MYH14: variants seen among roughly 807,000 people sequenced by gnomAD.
MYH14 encodes the protein myosin-14.
In MYH14, 123 loss-of-function variants were observed where a neutral mutation model predicts 255.5. The observed-to-expected ratio is 0.48, with a 90% CI of 0.42 to 0.56. The LOEUF is 0.56. MYH14 is among the 20% of genes least tolerant of loss of function. The pLI is 0.00. For missense variants in MYH14, 2,423 were observed against 2,802.3 expected (o/e 0.86, Z 3.06); for synonymous variants, 1,095 against 1,161.2 (o/e 0.94, Z 1.16).
At position 50,267,623 on chromosome 19, in the gene MYH14, A is replaced by AAATAATAATAATAATAATAATAATAAT. The variant is rs56141769; in HGVS notation, c.2827-514_2827-513insAATAATAATAATAATAATAATAATAAT. Among the ~76,000 whole-genome samples the AAATAATAATAATAATAATAATAATAAT allele has an allele frequency of 6.7e-3, 1,007 of 149,186 alleles. 5 individuals carry two copies. The highest frequency in any genetic ancestry group is 0.028 in the East Asian group (138 of 5,014). ...TCGGCAGAGTGAGACTCTGTCTCAA[A>AAATAATAATAATAATAATAATAATAAT]AATAATAATAATAATAATAATAATG... On this transcript the variant is annotated intron_variant, in intron 23 of 42. Coordinates refer to ENST00000642316, the MANE Select transcript of MYH14 (RefSeq NM_001145809.2).
At chr19:50,232,174 C>A in intron 10 of MYH14, 104 bp downstream of exon 10, 1 of 1,438,262 alleles carries the variant, frequency 7.0e-7, no homozygotes, top group Admixed American at 1.8e-5. Context: ...TTATTGAGCA[C>A]CTACTGGGTG....
rs761065548 is a variant in MYH14 at position 50,270,852 on chromosome 19, G to A, written c.3034-557G>A. Among the ~76,000 whole-genome samples the A allele has an allele frequency of 2.8e-4, 42 of 151,822 alleles. 1 individual carries two copies. In the Middle Eastern group the frequency reaches 0.024, roughly 86 times the overall value. The stretch of plus-strand genomic sequence containing the variant: ...TGGGACTACAGGCACCCGCCACCAC[G>A]CCCGGCTAATTTTTTGTATTTTTAG... On this transcript the variant is annotated intron_variant, in intron 24 of 42. Coordinates refer to ENST00000642316, the MANE Select transcript of MYH14 (RefSeq NM_001145809.2).
Position 50,281,812 on chromosome 19 carries a change from C to G in MYH14, c.4509C>G (p.Thr1503=). The G allele has an allele frequency of 2.5e-6, 4 of 1,612,452 alleles. No homozygotes were observed. The South Asian group carries it at 4.4e-5, about 18-fold the overall frequency. ...AGCAGCAGCGGCAGCTTGTGAGCAC[C>G]CTGGAGAAGAAGCAGCGCAAGTTTG... ...DLEQQRQLVS[T]LEKKQRKFDQ... Residue 1503 remains threonine (T), a synonymous_variant, in exon 33 of 43, where the codon ACC becomes ACG. Transcript: ENST00000642316.
At chr19:50,217,523 C>T (rs1282749917) in intron 2 of MYH14, 92 bp from the exon 3 acceptor site, 6 of 1,415,698 alleles carry the variant, frequency 4.2e-6, no homozygotes, top group African/African-American at 1.4e-5. Flanking sequence ...GATAGATGCC[C>T]TTGTGCAGTG....
intron 3 of MYH14, among the ~76,000 whole-genome samples, chr19:50,219,745 A>G (rs1466027285): frequency 1.3e-5 from 2 of 150,892 alleles, no homozygotes; most frequent in Non-Finnish European, 2.9e-5. Context: ...CATTCATACC[A>G]TGACAACATA....
intron 12 of MYH14, among the ~76,000 whole-genome samples, chr19:50,247,891 G>A (rs1274107295): frequency 6.6e-6 from 1 of 151,776 alleles, no homozygotes; most frequent in African/African-American, 2.4e-5. Flanking sequence ...GTGAATCTCC[G>A]TCTCTACTAA....
At chr19:50,207,865 G>T (rs1276563490) in intron 1 of MYH14, among the ~76,000 whole-genome samples, 6 of 152,074 alleles carry the variant, frequency 3.9e-5, no homozygotes, top group Non-Finnish European at 2.9e-5. Flanking sequence ...CGATCATTTG[G>T]CTCTAGCCAT....
At position 50,309,665 on chromosome 19, in the gene MYH14, C is replaced by G. The variant is rs749591626; in HGVS notation, c.5986C>G (p.Arg1996Gly). Residue 1996 changes from arginine (R) to glycine (G), a missense_variant, in exon 43 of 43, where the codon CGC becomes GGC. By Grantham distance (125) the Arg-to-Gly change is moderately radical (BLOSUM62 -2). Coordinates refer to ENST00000642316, the MANE Select transcript of MYH14 (RefSeq NM_001145809.2). ...LRRGPLTFTTRTVRQVFRLEE... is the reference protein window; with the variant it reads ...LRRGPLTFTTGTVRQVFRLEE... ...ACGCGGCCCCCTCACCTTCACCACCCGCACGGTGCGCCAGGTCTTCCGACT... is the reference window on the plus strand; with the variant it reads ...ACGCGGCCCCCTCACCTTCACCACCGGCACGGTGCGCCAGGTCTTCCGACT... The G allele has an allele frequency of 6.2e-7, 1 of 1,611,032 alleles. No homozygotes were observed. Among genetic ancestry groups the G allele is most frequent in the South Asian group, 1.1e-5 (1 of 90,228 alleles).
At chr19:50,237,912 C>T (rs1477776947) in intron 10 of MYH14, among the ~76,000 whole-genome samples, 7 of 146,836 alleles carry the variant, frequency 4.8e-5, no homozygotes, top group Admixed American at 7.0e-5. Context: ...CTAGGACTCA[C>T]CCCAATTCAA....
At chr19:50,302,619 T>A (rs2036528963) in intron 40 of MYH14, among the ~76,000 whole-genome samples, 1 of 120,490 alleles carries the variant, frequency 8.3e-6, no homozygotes. Flanking sequence ...AAGAAAAAGA[T>A]GCCAGGCACG....
rs377465627 is a variant in MYH14, at chr19:50,250,544, G to C, written c.1686G>C (p.Leu562=). The change falls in exon 15 of 43, where the codon CTG becomes CTC. Residue 562 remains leucine, a synonymous_variant. Transcript: ENST00000642316. The surrounding 1 kb of genome is among the most constrained non-coding windows in gnomAD (Gnocchi z 5.4). ...ACCCCCCTGGACTCCTGGCCCTGCTGGATGAGGAGTGCTGGTTCCCGAAGG... is the reference window on the plus strand; with the variant it reads ...ACCCCCCTGGACTCCTGGCCCTGCTCGATGAGGAGTGCTGGTTCCCGAAGG... The part of the protein sequence containing the change: ...PANPPGLLAL[L]DEECWFPKAT... 1 of 1,613,782 alleles carries C rather than the reference G, an allele frequency of 6.2e-7. No individual in the cohort carries two copies. The highest frequency in any genetic ancestry group is 1.7e-5 in the Admixed American group (1 of 59,966).
At chr19:50,235,137 C>T (rs986756795) in intron 10 of MYH14, among the ~76,000 whole-genome samples, 6 of 152,046 alleles carry the variant, frequency 3.9e-5, no homozygotes, top group South Asian at 2.1e-4. Flanking sequence ...TTTGGGAGGC[C>T]GACTGAGGTC....
At chr19:50,219,012 A>AT (rs1212044403) in intron 3 of MYH14, among the ~76,000 whole-genome samples, 1 of 42,288 alleles carries the variant, frequency 2.4e-5, no homozygotes, top group African/African-American at 3.9e-5. Context: ...GTATATATAT[A>AT]TTTTTTATAT....
At position 50,239,020 on chromosome 19, in the gene MYH14, A is replaced by C. The variant is rs548191903; in HGVS notation, c.1115-5222A>C. ...CCCCCAACCTCCAAAAAAAAACAAA[A>C]AAAATTCTCTCTTGCGCATGATGGA... On this transcript the variant is annotated intron_variant, in intron 10 of 42. Coordinates refer to ENST00000642316, the MANE Select transcript of MYH14 (RefSeq NM_001145809.2). Among the ~76,000 whole-genome samples the C allele has an allele frequency of 1.2e-3, 176 of 152,132 alleles. No homozygotes were observed. In the South Asian group the frequency reaches 0.014, roughly 12 times the overall value.
intron 33 of MYH14, chr19:50,285,617 A>G (rs1335198629): frequency 8.5e-5 from 13 of 152,126 alleles, no homozygotes; most frequent in Admixed American, 7.9e-4. Context: ...TATAGTTTTT[A>G]TATATTTCAT....
chr19:50,289,443 AGCTGG>A lies in MYH14; in HGVS notation c.4761_4765del (p.Leu1588ThrfsTer12). The A allele has an allele frequency of 6.2e-7, 1 of 1,607,730 alleles. No individual in the cohort carries two copies. The highest frequency in any genetic ancestry group is 8.5e-7 in the Non-Finnish European group (1 of 1,177,492). ...AGCTACTCTCCCCACCAGGTGCATG[AGCTGG>A]AACGAGCCTGCCGGGTAGCAGAACA... is the stretch of plus-strand genomic sequence containing the variant. On this transcript the variant is annotated frameshift_variant, in exon 35 of 43. Transcript: ENST00000642316. LOFTEE classifies it high-confidence loss of function.
At position 50,268,199 on chromosome 19, in the gene MYH14, A is replaced by AGCAGAGGCAGAACTGTGT. The variant is rs2035161973; in HGVS notation, c.2874_2891dup (p.Leu960_Glu965dup). ...GCGCCCGCCTGGCAGAGCAATTGCG[A>AGCAGAGGCAGAACTGTGT]GCAGAGGCAGAACTGTGTGCAGAGG... is the stretch of plus-strand genomic sequence containing the variant. On this transcript the variant is annotated inframe_insertion, in exon 24 of 43. Transcript: ENST00000642316. 6.4e-7 allele frequency: 1 copy of AGCAGAGGCAGAACTGTGT among 1,554,480 alleles called. No homozygotes were observed. The highest frequency in any genetic ancestry group is 8.7e-7 in the Non-Finnish European group (1 of 1,150,218).
At chr19:50,227,374 A>T (rs905436554) in intron 8 of MYH14, among the ~76,000 whole-genome samples, 1 of 152,122 alleles carries the variant, frequency 6.6e-6, no homozygotes, top group Non-Finnish European at 1.5e-5. Flanking sequence ...GACAACACTT[A>T]TGAAATGCTG....
At chr19:50,308,767 G>A (rs1049230100) in intron 41 of MYH14, 125 of 538,936 alleles carry the variant, frequency 2.3e-4, no homozygotes, top group Non-Finnish European at 3.6e-4. Context: ...GTCAGCTCTG[G>A]GTATAGGAAG....
Sources: allele counts gnomAD v4.1 joint callset (sites outside exome capture counted in the v4.1 genomes callset), GRCh38; gene constraint gnomAD v4.1.1; non-coding constraint Gnocchi (gnomAD v3.1); transcripts MANE v1.5; gene names NCBI Gene and HGNC (gene_info 2026-07-23, HGNC 2026-07-21).